The following PHKA2 variants were observed in gnomAD, a reference collection of about 807,000 sequenced individuals.
PHKA2 encodes phosphorylase b kinase regulatory subunit alpha, liver isoform.
A neutral mutation model predicts 102.0 loss-of-function variants in PHKA2; 31 were observed. The ratio of observed to expected loss-of-function variants is 0.30; its 90% CI spans 0.23 to 0.41. The LOEUF is 0.41. Ranked by LOEUF, PHKA2 falls within the 10% of genes least tolerant of loss-of-function variation. The probability of loss-of-function intolerance (pLI) is 1.00; values close to 1 mark genes in which losing one functional copy is unlikely to be tolerated. For missense variants in PHKA2, 858 were observed against 1,023.1 expected, an observed-to-expected ratio of 0.84 and a Z score of 2.20; for synonymous variants, 455 against 416.2, an observed-to-expected ratio of 1.09 and a Z score of -1.13.
At chrX:18,950,074 T>G (rs2048653452) in intron 4 of PHKA2, among the ~76,000 whole-genome samples, 1 of 111,121 alleles carries the variant, frequency 9.0e-6, no homozygotes, top group Admixed American at 9.5e-5. Context: ...CCACCTGGTG[T>G]GAGACCCTAG....
intron 26 of PHKA2, chrX:18,902,642 T>A (rs1194262651): frequency 9.0e-6 from 1 of 110,579 alleles, no homozygotes; most frequent in Non-Finnish European, 1.9e-5. Flanking sequence ...ATGCCTGTAA[T>A]CCCAGCTACT....
intron 20 of PHKA2, among the ~76,000 whole-genome samples, chrX:18,909,783 T>A (rs2047890351): frequency 8.9e-6 from 1 of 112,616 alleles, no homozygotes; most frequent in Non-Finnish European, 1.9e-5. Flanking sequence ...GTATGCTTTT[T>A]CTTGCAGATG....
At position 18,954,383 on chromosome X, in the gene PHKA2, G is replaced by A. The variant is rs778564232; in HGVS notation, c.108C>T (p.Ser36=). 3.3e-6 allele frequency: 4 copies of A among 1,211,347 alleles called. No homozygotes were observed. The highest frequency in any genetic ancestry group is 4.5e-6 in the Non-Finnish European group (4 of 895,164). ...QNPVTGLLSA[S]HEQKDAWVRD... ...GCACCCAGGCATCCTTCTGCTCATG[G>A]CTGGCTGACAGCAGCCCCGTGACGG... Residue 36 remains serine (S), a synonymous_variant, in exon 2 of 33, where the codon AGC becomes AGT. Transcript: ENST00000379942.
chrX:18,975,716 G>C (rs1483868578), intron 1 of PHKA2, among the ~76,000 whole-genome samples: 1 of 110,731 alleles, frequency 9.0e-6, no homozygotes, highest in African/African-American at 3.3e-5. Context: ...CTCTACCTTC[G>C]AAATTTACTC....
chrX:18,925,999 C>G (rs1361478330), intron 14 of PHKA2, among the ~76,000 whole-genome samples: 5 of 111,824 alleles, frequency 4.5e-5, no homozygotes, highest in African/African-American at 1.6e-4. Flanking sequence ...CCAGTTGGAA[C>G]TGCATGGAAT....
At position 18,895,103 on chromosome X, in the gene PHKA2, C is replaced by T. The variant is rs200336179; in HGVS notation, c.3336+35G>A. The stretch of plus-strand genomic sequence containing the variant: ...CAATGAAGCCCTTATTGTGAACCCA[C>T]AGAGGGGCCCGCCTCTGCGTTTTTC... On this transcript the variant is annotated intron_variant, in intron 31 of 32. Coordinates refer to ENST00000379942, the MANE Select transcript of PHKA2 (RefSeq NM_000292.3). 5 of 1,192,322 alleles carry T rather than the reference C, an allele frequency of 4.2e-6. No individual in the cohort carries two copies. The Admixed American group carries it at 1.1e-4, about 26-fold the overall frequency.
intron 17 of PHKA2, among the ~76,000 whole-genome samples, chrX:18,922,541 G>A (rs1004511266): frequency 5.4e-5 from 6 of 111,477 alleles, no homozygotes; most frequent in Non-Finnish European, 1.1e-4. Flanking sequence ...TCTTCAAATC[G>A]CTCAAGGCCA....
intron 6 of PHKA2, among the ~76,000 whole-genome samples, chrX:18,944,802 A>G (rs1262536814): frequency 8.9e-6 from 1 of 112,114 alleles, no homozygotes; most frequent in African/African-American, 3.2e-5. Flanking sequence ...GCAGCTTCTT[A>G]AACAACAGCA....
intron 1 of PHKA2, among the ~76,000 whole-genome samples, chrX:18,974,456 C>G (rs1309977821): frequency 1.8e-5 from 2 of 112,181 alleles, no homozygotes; most frequent in African/African-American, 6.5e-5. Context: ...TCATTATTAG[C>G]CTTTTACTCA....
intron 1 of PHKA2, among the ~76,000 whole-genome samples, chrX:18,979,609 T>C (rs183424173): frequency 4.6e-4 from 51 of 111,859 alleles, no homozygotes; most frequent in African/African-American, 1.6e-3. Context: ...AGTATATATA[T>C]TTACAAAATC....
chrX:18,910,048 G>A (rs888479012), intron 20 of PHKA2, among the ~76,000 whole-genome samples: 11 of 112,620 alleles, frequency 9.8e-5, no homozygotes, highest in South Asian at 7.3e-4. Context: ...AAGAGTCCTG[G>A]ATAAAATAAC....
chrX:18,954,128 T>C, intron 2 of PHKA2, 126 bp downstream of exon 2: 2 of 657,831 alleles, frequency 3.0e-6, no homozygotes, highest in Non-Finnish European at 4.9e-6. Flanking sequence ...CAAAATATTC[T>C]ATAGCAGAAA....
At chrX:18,939,715 G>C (rs898615226) in intron 9 of PHKA2, among the ~76,000 whole-genome samples, 12 of 111,374 alleles carry the variant, frequency 1.1e-4, no homozygotes, top group Admixed American at 2.9e-4. Flanking sequence ...GGATGGTCTC[G>C]ATCTCCTGAC....
Position 18,924,765 on chromosome X carries a change from C to T in PHKA2, c.1570-240G>A, listed in dbSNP as rs759155637. Among the ~76,000 whole-genome samples the T allele has an allele frequency of 2.7e-5, 3 of 112,055 alleles. No homozygotes were observed. The East Asian group carries it at 8.4e-4, about 31-fold the overall frequency. On this transcript the variant is annotated intron_variant, in intron 15 of 32. Coordinates refer to ENST00000379942, the MANE Select transcript of PHKA2 (RefSeq NM_000292.3). ...GGTGCACTGCTAGATTTATTTCCAG[C>T]TCCTCAGATGGGGATTTAAGCATCT...
At chrX:18,910,813 G>T in intron 20 of PHKA2, 59 bp downstream of exon 20, 1 of 663,765 alleles carries the variant, frequency 1.5e-6, no homozygotes, top group Non-Finnish European at 2.4e-6. Context: ...AGAGTTTGGG[G>T]ACTCATCCTG....
At chrX:18,952,672 G>A (rs2048718155) in intron 2 of PHKA2, 131 bp from the exon 3 acceptor site, 3 of 564,110 alleles carry the variant, frequency 5.3e-6, no homozygotes, top group Non-Finnish European at 9.4e-6. Flanking sequence ...CCGAGCCTAC[G>A]TGAGTGTTCT....
intron 1 of PHKA2, among the ~76,000 whole-genome samples, chrX:18,957,328 G>A: frequency 8.9e-6 from 1 of 112,087 alleles, no homozygotes; most frequent in East Asian, 2.8e-4. Context: ...CACCTGAACA[G>A]GTCCATCTCT....
intron 1 of PHKA2, among the ~76,000 whole-genome samples, chrX:18,960,609 C>T (rs2048853615): frequency 8.9e-6 from 1 of 112,005 alleles, no homozygotes; most frequent in African/African-American, 3.3e-5. Context: ...GGGTGCTAAA[C>T]CATTTCTCAC....
intron 26 of PHKA2, among the ~76,000 whole-genome samples, chrX:18,904,699 C>T (rs948289944): frequency 2.7e-5 from 3 of 112,088 alleles, no homozygotes. Context: ...TCTGACTGCA[C>T]GATGCTGTCT....
Sources: gnomAD v4.1 joint callset for allele counts (sites outside exome capture counted in the v4.1 genomes callset) on GRCh38, gnomAD v4.1.1 for gene constraint, MANE v1.5 for transcripts, NCBI Gene and HGNC (gene_info 2026-07-23, HGNC 2026-07-21) for gene names.